Variants in ZC3H3 observed in about 807,000 individuals in gnomAD.
ZC3H3 encodes zinc finger CCCH domain-containing protein 3.
Under a neutral mutation model 77.3 loss-of-function variants are expected in ZC3H3, and 36 were observed. The ratio of observed to expected loss-of-function variants is 0.47; its 90% CI spans 0.36 to 0.61. ZC3H3 has a LOEUF of 0.61. Among genes scored for constraint, ZC3H3 ranks in the 20% least tolerant of loss-of-function variants. The probability of loss-of-function intolerance (pLI) is 0.00; values close to 1 mark genes in which losing one functional copy is unlikely to be tolerated. For synonymous variants in ZC3H3, 626 were observed against 555.2 expected, an observed-to-expected ratio of 1.13 and a Z score of -1.79; for missense variants, 1,331 against 1,312.2, an observed-to-expected ratio of 1.01 and a Z score of -0.22.
chr8:143,441,048 G>T lies in ZC3H3; in HGVS notation c.2380C>A (p.Gln794Lys). The T allele has an allele frequency of 6.7e-7, 1 of 1,484,830 alleles. No individual in the cohort carries two copies. The highest frequency in any genetic ancestry group is 2.7e-5 in the East Asian group (1 of 36,618). 92.0% of individuals were successfully genotyped at this position (1,484,830 alleles called of 1,614,324 possible). Residue 794 changes from glutamine to lysine, a missense_variant, in exon 10 of 12, where the codon CAG (glutamine) becomes AAG (lysine). Physicochemically the swap from Gln to Lys is moderately conservative, Grantham distance 53. Around this residue, in one of 3 missense-constraint regions of ZC3H3, gnomAD observed 249 missense variants for 236.9 expected, o/e 1.05. Coordinates refer to ENST00000262577, the MANE Select transcript of ZC3H3 (RefSeq NM_015117.3). ...RGACPRGAQC[Q>K]LLHRTQKRHS... ...CGTTTCTGGGTACGGTGGAGCAGCTGGCACTGGGCGCCGCGGGGACACGCC... is the reference window on the plus strand; with the variant it reads ...CGTTTCTGGGTACGGTGGAGCAGCTTGCACTGGGCGCCGCGGGGACACGCC...
At chr8:143,496,875 C>T (rs967747764) in intron 4 of ZC3H3, among the ~76,000 whole-genome samples, 2 of 152,262 alleles carry the variant, frequency 1.3e-5, no homozygotes, top group African/African-American at 4.8e-5. Flanking sequence ...CACAAAAAGA[C>T]ATCAGATAAG....
At chr8:143,466,712 C>A (rs1367574774) in intron 8 of ZC3H3, among the ~76,000 whole-genome samples, 2 of 152,118 alleles carry the variant, frequency 1.3e-5, no homozygotes, top group African/African-American at 4.8e-5. Flanking sequence ...CAGCATGGAG[C>A]CCCCACAGAG....
At position 143,538,634 on chromosome 8, in the gene ZC3H3, G is replaced by T. The variant is rs573790847; in HGVS notation, c.733C>A (p.Arg245=). 3 of 1,608,996 alleles carry T rather than the reference G, an allele frequency of 1.9e-6. No homozygotes were observed. In the South Asian group the frequency reaches 3.3e-5, roughly 18 times the overall value. Residue 245 remains arginine, a synonymous_variant, in exon 2 of 12, where the codon CGG becomes AGG. Coordinates refer to ENST00000262577, the MANE Select transcript of ZC3H3 (RefSeq NM_015117.3). ...GCCACGGAATGAGAACCCAGCTTCC[G>T]GCCCAGGGCCACGCCAGTGCGTGGG... ...LPPRTGVALG[R]KLGSHSVASC... is the part of the protein sequence containing the mutation.
chr8:143,538,424 C>G lies in ZC3H3; in HGVS notation c.943G>C (p.Ala315Pro). ...KFRKNNYKWVAASSKSPRVAR... is the reference protein window; with the variant it reads ...KFRKNNYKWVPASSKSPRVAR... Reference sequence around the variant, plus strand: ...ACCCGGGGACTCTTCGAGGAGGCAGCCACCCATTTGTAGTTGTTTTTCCGG... The same window carrying G: ...ACCCGGGGACTCTTCGAGGAGGCAGGCACCCATTTGTAGTTGTTTTTCCGG... Residue 315 changes from alanine (A) to proline (P), a missense_variant, in exon 2 of 12, where the codon GCT (alanine) becomes CCT (proline). Physicochemically the swap from Ala to Pro is conservative, Grantham distance 27. Around this residue, in one of 3 missense-constraint regions of ZC3H3, gnomAD observed 978 missense variants for 915.5 expected, o/e 1.07. Transcript: ENST00000262577. 1 of 1,613,248 alleles carries G rather than the reference C, an allele frequency of 6.2e-7. No homozygotes were observed. The highest frequency in any genetic ancestry group is 1.3e-5 in the African/African-American group (1 of 75,074).
intron 3 of ZC3H3, among the ~76,000 whole-genome samples, chr8:143,531,680 T>C (rs1018251796): frequency 4.6e-5 from 7 of 152,252 alleles, no homozygotes; most frequent in Non-Finnish European, 1.0e-4. Flanking sequence ...GCTGATAATA[T>C]GCGCCAAAAT....
At position 143,530,816 on chromosome 8, in the gene ZC3H3, A is replaced by T. The variant is rs575511335; in HGVS notation, c.1561+5441T>A. On this transcript the variant is annotated intron_variant, in intron 3 of 11. Coordinates refer to ENST00000262577, the MANE Select transcript of ZC3H3 (RefSeq NM_015117.3). The surrounding 1 kb of genome is among the most constrained non-coding windows in gnomAD (Gnocchi z 4.3). ...ACAGGACACCATTTTTCAGACTCCA[A>T]AAAGGTTTTCTTCTCTTCTGCCCAA... Among the ~76,000 whole-genome samples, 74 of 152,238 alleles carry T rather than the reference A, an allele frequency of 4.9e-4. 2 individuals are homozygous for T. The highest frequency in any genetic ancestry group is 1.4e-3 in the African/African-American group (59 of 41,546).
intron 9 of ZC3H3, among the ~76,000 whole-genome samples, chr8:143,454,727 T>C (rs1460439052): frequency 6.6e-6 from 1 of 152,118 alleles, no homozygotes; most frequent in Non-Finnish European, 1.5e-5. Flanking sequence ...TCATAAATGC[T>C]TAAGTGCATG....
intron 4 of ZC3H3, among the ~76,000 whole-genome samples, chr8:143,496,576 A>G (rs1468691813): frequency 2.0e-5 from 3 of 152,146 alleles, no homozygotes; most frequent in Non-Finnish European, 2.9e-5. Flanking sequence ...GCAAATCAAC[A>G]ACGACGCAGG....
intron 9 of ZC3H3, among the ~76,000 whole-genome samples, chr8:143,454,744 T>C (rs962999939): frequency 1.3e-5 from 2 of 152,146 alleles, no homozygotes; most frequent in African/African-American, 4.8e-5. Context: ...CATGCTATTC[T>C]GAGCAGTGTG....
intron 3 of ZC3H3, among the ~76,000 whole-genome samples, chr8:143,517,649 C>T (rs966795415): frequency 1.3e-5 from 2 of 152,218 alleles, no homozygotes; most frequent in East Asian, 1.9e-4. Context: ...GCAGCCCCAG[C>T]CAGCCTGTGT....
chr8:143,507,878 C>G lies in ZC3H3; in HGVS notation c.1583G>C (p.Arg528Pro). The change falls in exon 4 of 12, where the codon CGG becomes CCG. Residue 528 changes from arginine (R) to proline (P), a missense_variant. This residue lies in a region of ZC3H3 where 978 missense variants were observed against 915.5 expected (regional missense o/e 1.07). Transcript: ENST00000262577. ...GATCACCTTGCTGGTGGGTGCAGTC[C>G]GCACGGCATGCAGGCTGGACGCTGT... ...TKEASSLHAV[R>P]TAPTSKVIKT... The G allele has an allele frequency of 6.2e-7, 1 of 1,603,642 alleles. No homozygotes were observed. Among genetic ancestry groups the G allele is most frequent in the Non-Finnish European group, 8.5e-7 (1 of 1,174,142 alleles).
intron 3 of ZC3H3, among the ~76,000 whole-genome samples, chr8:143,531,795 A>G (rs1822616782): frequency 2.6e-5 from 4 of 152,310 alleles, no homozygotes; most frequent in South Asian, 4.1e-4. Flanking sequence ...TAGTAATTCA[A>G]TTTTCTTTTT....
chr8:143,505,479 C>G (rs1345353837), intron 4 of ZC3H3, among the ~76,000 whole-genome samples: 1 of 152,174 alleles, frequency 6.6e-6, no homozygotes, highest in Non-Finnish European at 1.5e-5. Context: ...GCAGGTGACC[C>G]TGGGCGAGGC....
chr8:143,517,954 C>T (rs952969248), intron 3 of ZC3H3, among the ~76,000 whole-genome samples: 1 of 152,226 alleles, frequency 6.6e-6, no homozygotes, highest in Non-Finnish European at 1.5e-5. Flanking sequence ...ACAGCAGCTC[C>T]AGGCTCTGAG....
intron 9 of ZC3H3, among the ~76,000 whole-genome samples, chr8:143,444,846 AAAAG>A (rs1276960082): frequency 6.6e-6 from 1 of 152,244 alleles, no homozygotes; most frequent in Non-Finnish European, 1.5e-5. Context: ...GAAGACAAGA[AAAAG>A]AAAGAAAACT....
Position 143,536,329 on chromosome 8 carries a change from C to T in ZC3H3, c.1489G>A (p.Gly497Ser), listed in dbSNP as rs575035318. ...CGGTGCGTGGTGACCTGTACCAGGCCCTTGTTGGGGGTCTTCTTCAGGACA... is the reference window on the plus strand; with the variant it reads ...CGGTGCGTGGTGACCTGTACCAGGCTCTTGTTGGGGGTCTTCTTCAGGACA... ...SPVLKKTPNK[G>S]LVQVTTHRLC... The change falls in exon 3 of 12, where the codon GGC (glycine) becomes AGC (serine). Residue 497 changes from glycine (G) to serine (S), a missense_variant. By Grantham distance (56) the Gly-to-Ser change is moderately conservative (BLOSUM62 0). Around this residue, in one of 3 missense-constraint regions of ZC3H3, gnomAD observed 978 missense variants for 915.5 expected, o/e 1.07. Coordinates refer to ENST00000262577, the MANE Select transcript of ZC3H3 (RefSeq NM_015117.3). 3 of 1,611,436 alleles carry T rather than the reference C, an allele frequency of 1.9e-6. No homozygotes were observed. Among genetic ancestry groups the T allele is most frequent in the South Asian group, 1.1e-5 (1 of 90,516 alleles).
At chr8:143,521,931 C>T (rs1033670688) in intron 3 of ZC3H3, among the ~76,000 whole-genome samples, 2 of 152,214 alleles carry the variant, frequency 1.3e-5, no homozygotes, top group African/African-American at 4.8e-5. Context: ...TCAGTGGGCA[C>T]GGCTGCCATG....
intron 4 of ZC3H3, among the ~76,000 whole-genome samples, chr8:143,483,682 G>A (rs1053899001): frequency 2.0e-5 from 3 of 152,320 alleles, no homozygotes; most frequent in East Asian, 3.9e-4. Flanking sequence ...ATCTGACTAC[G>A]TGGTGGCCAC....
At chr8:143,521,194 C>T (rs777935744) in intron 3 of ZC3H3, among the ~76,000 whole-genome samples, 14 of 152,170 alleles carry the variant, frequency 9.2e-5, no homozygotes, top group African/African-American at 1.4e-4. Flanking sequence ...GCCAACGAGA[C>T]GAGGCAAGGA....
Sources: gnomAD v4.1 joint callset for allele counts (sites outside exome capture counted in the v4.1 genomes callset) on GRCh38, gnomAD v4.1.1 for gene constraint, gnomAD v4.1.1 regional missense constraint, Gnocchi (gnomAD v3.1) non-coding constraint, MANE v1.5 for transcripts, NCBI Gene and HGNC (gene_info 2026-07-23, HGNC 2026-07-21) for gene names.